The following SFMBT2 variants were observed in gnomAD, a reference collection of about 807,000 sequenced individuals.
SFMBT2 encodes the protein scm-like with four MBT domains protein 2.
In SFMBT2, 38 loss-of-function variants were observed where a neutral mutation model predicts 110.1. That is an observed-to-expected ratio of 0.35 (90% confidence interval 0.27 to 0.45). The LOEUF (loss-of-function observed/expected upper bound fraction) is 0.45, where lower values mean the gene tolerates loss of function less well. Among genes scored for constraint, SFMBT2 ranks in the 20% least tolerant of loss-of-function variants. The pLI, the probability that SFMBT2 is intolerant of heterozygous loss-of-function variation, is 1.00. For synonymous variants in SFMBT2, 425 were observed against 425.4 expected (o/e 1.00, Z 0.01); for missense variants, 1,011 against 1,094.9 (o/e 0.92, Z 1.08).
intron 10 of SFMBT2, among the ~76,000 whole-genome samples, chr10:7,223,940 T>G (rs753323493): frequency 7.9e-5 from 12 of 152,202 alleles, no homozygotes; most frequent in Admixed American, 5.9e-4. Context: ...ACATCACACT[T>G]AGTTACAATA....
At chr10:7,399,212 T>C (rs1846006382) in intron 1 of SFMBT2, among the ~76,000 whole-genome samples, 2 of 152,060 alleles carry the variant, frequency 1.3e-5, no homozygotes, top group Admixed American at 6.6e-5. Flanking sequence ...ATATCTCCTA[T>C]CCACCAAGTT....
chr10:7,236,749 C>T (rs1840270287), intron 9 of SFMBT2, among the ~76,000 whole-genome samples: 1 of 151,832 alleles, frequency 6.6e-6, no homozygotes, highest in Admixed American at 6.6e-5. Context: ...ATAAACAATG[C>T]ATACAGGGAA....
At chr10:7,368,011 C>T (rs972887291) in intron 3 of SFMBT2, 122 bp from the exon 4 acceptor site, 21 of 1,362,846 alleles carry the variant, frequency 1.5e-5, no homozygotes, top group Middle Eastern at 2.6e-4. Flanking sequence ...CTAAAACAGG[C>T]ATGTATTTAT....
chr10:7,172,384 G>C lies in SFMBT2; in HGVS notation c.2151+111C>G, dbSNP rs1214480651. On this transcript the variant is annotated intron_variant, in intron 18 of 20. Coordinates refer to ENST00000397167, the MANE Select transcript of SFMBT2 (RefSeq NM_001387889.1). This position sits in a 1 kb window ranked among gnomAD's most constrained non-coding sequence, Gnocchi z 4.6. ...GAGGGGGCTCTTCTTCAGTGTTTCTGACCATCTTGCCACAATCTCCAGGGC... is the reference window on the plus strand; with the variant it reads ...GAGGGGGCTCTTCTTCAGTGTTTCTCACCATCTTGCCACAATCTCCAGGGC... The C allele has an allele frequency of 1.2e-5, 19 of 1,558,580 alleles. No individual in the cohort carries two copies. Among genetic ancestry groups the C allele is most frequent in the African/African-American group, 1.4e-5 (1 of 73,442 alleles).
In SFMBT2 at chr10:7,410,890, G is replaced by A. The variant is rs1297073909; in HGVS notation, c.-81C>T. Among the ~76,000 whole-genome samples, 2 of 151,216 alleles carry A rather than the reference G, an allele frequency of 1.3e-5. No individual in the cohort carries two copies. The highest frequency in any genetic ancestry group is 3.0e-5 in the Non-Finnish European group (2 of 67,792). On this transcript the variant is annotated 5_prime_UTR_variant, in exon 1 of 21. Transcript: ENST00000397167. ...TGAAGTTCGTCCTGCCCTCGGCGTG[G>A]ACCCAGGCCCCGGTCGCCGCCCGGG...
intron 20 of SFMBT2, among the ~76,000 whole-genome samples, chr10:7,164,611 A>G (rs539369175): frequency 7.6e-4 from 115 of 152,270 alleles, no homozygotes; most frequent in Middle Eastern, 3.4e-3. Context: ...TCATCTGAGC[A>G]CTAAGCAAAG....
intron 12 of SFMBT2, chr10:7,203,160 T>C (rs1839014051): frequency 5.3e-6 from 5 of 936,580 alleles, no homozygotes; most frequent in Non-Finnish European, 6.4e-6. Flanking sequence ...TCTTCCAACA[T>C]AAGCATAAAT....
At chr10:7,277,528 A>T (rs2131826651) in intron 6 of SFMBT2, 1 of 206,656 alleles carries the variant, frequency 4.8e-6, no homozygotes, top group African/African-American at 2.3e-5. Context: ...TAATATTTAC[A>T]CTTGAAATGT....
chr10:7,261,305 G>A (rs989893660), intron 7 of SFMBT2, among the ~76,000 whole-genome samples: 2 of 152,202 alleles, frequency 1.3e-5, no homozygotes, highest in Middle Eastern at 3.2e-3. Context: ...TATCCCGAAA[G>A]GTCTGAAAGG....
intron 16 of SFMBT2, among the ~76,000 whole-genome samples, chr10:7,179,813 G>A (rs1307140013): frequency 6.6e-6 from 1 of 152,244 alleles, no homozygotes; most frequent in African/African-American, 2.4e-5. Flanking sequence ...TCTCTTCCTA[G>A]TTTGGGATGA....
In SFMBT2 at chr10:7,309,558, G is replaced by A. The variant is rs1842792009; in HGVS notation, c.437-23604C>T. On this transcript the variant is annotated intron_variant, in intron 4 of 20. Transcript: ENST00000397167. ...GGAACGGGGGTGTATAGGAAAAGCTGTCTGTCCCTCACATTGGACTGTGAC... is the reference window on the plus strand; with the variant it reads ...GGAACGGGGGTGTATAGGAAAAGCTATCTGTCCCTCACATTGGACTGTGAC... Among the ~76,000 whole-genome samples, 3 of 152,162 alleles carry A rather than the reference G, an allele frequency of 2.0e-5. No individual in the cohort carries two copies. In the South Asian group the frequency reaches 6.2e-4, roughly 32 times the overall value.
At chr10:7,218,479 G>T (rs913137216) in intron 11 of SFMBT2, among the ~76,000 whole-genome samples, 1 of 152,142 alleles carries the variant, frequency 6.6e-6, no homozygotes, top group Admixed American at 6.5e-5. Flanking sequence ...ATAATTACAG[G>T]TAATATACTA....
chr10:7,196,399 A>G (rs1838767503), intron 15 of SFMBT2, among the ~76,000 whole-genome samples: 1 of 152,210 alleles, frequency 6.6e-6, no homozygotes, highest in Non-Finnish European at 1.5e-5. Context: ...CTGTGTGGCC[A>G]TGCCCACGCT....
chr10:7,244,569 A>T (rs1039888495), intron 8 of SFMBT2, among the ~76,000 whole-genome samples: 1 of 152,222 alleles, frequency 6.6e-6, no homozygotes, highest in Non-Finnish European at 1.5e-5. Context: ...TAAGAACAAG[A>T]CATGCCGATA....
chr10:7,319,045 G>A (rs986834567), intron 4 of SFMBT2, among the ~76,000 whole-genome samples: 3 of 152,224 alleles, frequency 2.0e-5, no homozygotes, highest in Non-Finnish European at 4.4e-5. Context: ...AGGGATCGCA[G>A]AAGACAAAGT....
At chr10:7,269,396 C>T (rs574821213) in intron 7 of SFMBT2, among the ~76,000 whole-genome samples, 197 of 152,276 alleles carry the variant, frequency 1.3e-3, no homozygotes, top group Non-Finnish European at 1.0e-3. Flanking sequence ...AACACATCCC[C>T]CCAACGTGAG....
intron 11 of SFMBT2, among the ~76,000 whole-genome samples, chr10:7,218,243 T>A (rs1482751727): frequency 6.6e-6 from 1 of 152,170 alleles, no homozygotes; most frequent in Non-Finnish European, 1.5e-5. Context: ...TGAAACTCTA[T>A]CATTTTATTC....
chr10:7,358,484 C>T (rs977155464), intron 4 of SFMBT2, among the ~76,000 whole-genome samples: 3 of 151,206 alleles, frequency 2.0e-5, no homozygotes, highest in East Asian at 3.9e-4. Flanking sequence ...CCTAGAACAC[C>T]GGCATGGCCC....
intron 1 of SFMBT2, among the ~76,000 whole-genome samples, chr10:7,396,185 G>A (rs1845921623): frequency 6.6e-6 from 1 of 152,196 alleles, no homozygotes; most frequent in South Asian, 2.1e-4. Flanking sequence ...GGAGATGGAG[G>A]TTGCAGTGAG....
Sources: gnomAD v4.1 joint callset for allele counts (sites outside exome capture counted in the v4.1 genomes callset) on GRCh38, gnomAD v4.1.1 for gene constraint, Gnocchi (gnomAD v3.1) non-coding constraint, MANE v1.5 for transcripts, NCBI Gene and HGNC (gene_info 2026-07-23, HGNC 2026-07-21) for gene names.